AUTS2: variants seen among roughly 807,000 people sequenced by gnomAD.
AUTS2 encodes the protein activator of transcription and developmental regulator AUTS2, also known as autism susceptibility gene 2 protein.
A neutral mutation model predicts 112.4 loss-of-function variants in AUTS2; 17 were observed. The observed-to-expected ratio is 0.15, with a 90% confidence interval of 0.10 to 0.23. The LOEUF is 0.23. Among genes scored for constraint, AUTS2 ranks in the 10% least tolerant of loss-of-function variants. The probability of loss-of-function intolerance (pLI) is 1.00; values close to 1 mark genes in which losing one functional copy is unlikely to be tolerated. For missense variants in AUTS2, 1,510 were observed against 1,701.6 expected (o/e 0.89, Z 1.98); for synonymous variants, 751 against 702.7 (o/e 1.07, Z -1.09).
At chr7:70,779,173 A>G (rs1331587966) in intron 14 of AUTS2, among the ~76,000 whole-genome samples, 8 of 152,204 alleles carry the variant, frequency 5.3e-5, no homozygotes, top group African/African-American at 1.7e-4. Flanking sequence ...AAAGAATTTT[A>G]TAGATTCATA....
At chr7:70,102,951 C>T (rs1045836029) in intron 2 of AUTS2, among the ~76,000 whole-genome samples, 32 of 151,988 alleles carry the variant, frequency 2.1e-4, no homozygotes, top group Non-Finnish European at 3.1e-4. Context: ...AAGATTCAAC[C>T]ACATCAAATT....
At chr7:70,224,239 C>T (rs755357111) in intron 4 of AUTS2, among the ~76,000 whole-genome samples, 6 of 151,934 alleles carry the variant, frequency 3.9e-5, no homozygotes, top group African/African-American at 7.3e-5. Flanking sequence ...CACTTGAGCT[C>T]AGGAAGTAGA....
intron 4 of AUTS2, among the ~76,000 whole-genome samples, chr7:70,330,941 T>G (rs1790717194): frequency 6.6e-6 from 1 of 152,178 alleles, no homozygotes; most frequent in Non-Finnish European, 1.5e-5. Context: ...TCATTGCTGA[T>G]GTGTAGAAAA....
chr7:69,888,618 G>A (rs938558304), intron 1 of AUTS2, among the ~76,000 whole-genome samples: 15 of 146,272 alleles, frequency 1.0e-4, no homozygotes, highest in African/African-American at 3.3e-4. Flanking sequence ...GTCTCACTCT[G>A]TCACCCAGGC....
chr7:70,104,354 A>G (rs1351518413), intron 2 of AUTS2, among the ~76,000 whole-genome samples: 1 of 152,136 alleles, frequency 6.6e-6, no homozygotes, highest in African/African-American at 2.4e-5. Flanking sequence ...TTTAAGTCTG[A>G]TAGTGTACAT....
At chr7:70,786,078 T>G in intron 17 of AUTS2, 40 bp downstream of exon 17, 2 of 1,549,242 alleles carry the variant, frequency 1.3e-6, no homozygotes, top group Non-Finnish European at 1.8e-6. Flanking sequence ...CTTGGACTTT[T>G]TATCTCCTGT....
intron 5 of AUTS2, among the ~76,000 whole-genome samples, chr7:70,558,716 G>T (rs1801353147): frequency 6.6e-6 from 1 of 152,206 alleles, no homozygotes; most frequent in African/African-American, 2.4e-5. Flanking sequence ...GAGAAAAATA[G>T]TTAAAAGTTT....
At chr7:70,266,309 G>A (rs1166779459) in intron 4 of AUTS2, among the ~76,000 whole-genome samples, 2 of 152,158 alleles carry the variant, frequency 1.3e-5, no homozygotes, top group Non-Finnish European at 2.9e-5. Flanking sequence ...CATACTGATT[G>A]TATGAGTACA....
chr7:69,946,493 C>G (rs1340878400), intron 2 of AUTS2, among the ~76,000 whole-genome samples: 1 of 151,104 alleles, frequency 6.6e-6, no homozygotes, highest in African/African-American at 2.4e-5. Context: ...TCATAATAGT[C>G]AAGACGTGGA....
At chr7:70,704,220 C>T (rs932328951) in intron 6 of AUTS2, among the ~76,000 whole-genome samples, 2 of 152,196 alleles carry the variant, frequency 1.3e-5, no homozygotes, top group Non-Finnish European at 2.9e-5. Flanking sequence ...GGTGGTGAAT[C>T]CTGGGATACT....
chr7:69,909,553 C>A (rs1795273662), intron 2 of AUTS2, among the ~76,000 whole-genome samples: 1 of 152,118 alleles, frequency 6.6e-6, no homozygotes, highest in Non-Finnish European at 1.5e-5. Flanking sequence ...TGAAAGAAAT[C>A]TGAAAATATT....
At chr7:70,617,268 CAAGACTA>C (rs1804421494) in intron 5 of AUTS2, among the ~76,000 whole-genome samples, 1 of 152,166 alleles carries the variant, frequency 6.6e-6, no homozygotes, top group Non-Finnish European at 1.5e-5. Flanking sequence ...AGGAAATGGT[CAAGACTA>C]AATGACCACT....
At chr7:70,064,011 A>T (rs1305162312) in intron 2 of AUTS2, among the ~76,000 whole-genome samples, 2 of 152,222 alleles carry the variant, frequency 1.3e-5, no homozygotes, top group Admixed American at 6.5e-5. Flanking sequence ...TCAGGATCAG[A>T]CTAGAAGGCG....
At chr7:70,584,394 CT>C (rs1802590427) in intron 5 of AUTS2, among the ~76,000 whole-genome samples, 1 of 152,228 alleles carries the variant, frequency 6.6e-6, no homozygotes, top group African/African-American at 2.4e-5. Flanking sequence ...CTCCGGATCG[CT>C]CTGTCATTAG....
intron 5 of AUTS2, among the ~76,000 whole-genome samples, chr7:70,455,249 G>A (rs1364511611): frequency 6.6e-6 from 1 of 152,174 alleles, no homozygotes; most frequent in East Asian, 1.9e-4. Context: ...CCCTGGGGTG[G>A]GTGGGAAGAA....
intron 1 of AUTS2, among the ~76,000 whole-genome samples, chr7:69,728,805 A>G (rs1410837789): frequency 1.3e-5 from 2 of 151,812 alleles, no homozygotes; most frequent in Non-Finnish European, 2.9e-5. Flanking sequence ...AATTAATTTC[A>G]GTCAAAGATA....
At chr7:70,643,297 G>A (rs1805951783) in intron 5 of AUTS2, among the ~76,000 whole-genome samples, 1 of 152,230 alleles carries the variant, frequency 6.6e-6, no homozygotes, top group Admixed American at 6.5e-5. Context: ...TCTAGGCCAG[G>A]CGTGGTGGCT....
intron 4 of AUTS2, among the ~76,000 whole-genome samples, chr7:70,183,639 C>T (rs1479662301): frequency 6.6e-6 from 1 of 152,164 alleles, no homozygotes; most frequent in Non-Finnish European, 1.5e-5. Context: ...TCCCTTTCCT[C>T]TTCCTTCTGC....
At chr7:70,395,515 G>A (rs1204157264) in intron 4 of AUTS2, among the ~76,000 whole-genome samples, 1 of 152,194 alleles carries the variant, frequency 6.6e-6, no homozygotes, top group Non-Finnish European at 1.5e-5. Context: ...ACTGATAAAG[G>A]AAGGAAATAA....
Sources: allele counts gnomAD v4.1 joint callset (sites outside exome capture counted in the v4.1 genomes callset), GRCh38; gene constraint gnomAD v4.1.1; transcripts MANE v1.5; gene names NCBI Gene and HGNC (gene_info 2026-07-23, HGNC 2026-07-21).